The following ATXN7L1 variants were observed in gnomAD, a reference collection of about 807,000 sequenced individuals.
The protein encoded by ATXN7L1 is ataxin 7 like 1, also known as ataxin-7-like protein 1.
In ATXN7L1, 15 loss-of-function variants were observed where a neutral mutation model predicts 70.8. The observed-to-expected ratio is 0.21, with a 90% CI of 0.14 to 0.33. The LOEUF (loss-of-function observed/expected upper bound fraction) is 0.33, where lower values mean the gene tolerates loss of function less well. ATXN7L1 is among the 10% of genes least tolerant of loss of function. The pLI is 1.00. For missense variants in ATXN7L1, 975 were observed against 1,097.1 expected, an observed-to-expected ratio of 0.89 and a Z score of 1.57; for synonymous variants, 440 against 445.1, an observed-to-expected ratio of 0.99 and a Z score of 0.14.
chr7:105,740,784 T>TTTTTG lies in ATXN7L1; in HGVS notation c.355+47819_355+47820insCAAAA, dbSNP rs556048408. On this transcript the variant is annotated intron_variant, in intron 3 of 11. Transcript: ENST00000419735. ...GGCTCCATTCATTTTTTTTTTTTTTTAATGGAGTCTCACTCTGTCGCCCAG... is the reference window on the plus strand; with the variant it reads ...GGCTCCATTCATTTTTTTTTTTTTTTTTTTGAATGGAGTCTCACTCTGTCGCCCAG... 6.7e-4 allele frequency among the ~76,000 whole-genome samples: 52 copies of TTTTTG among 77,932 alleles called. 15 individuals carry two copies. The highest frequency in any genetic ancestry group is 4.0e-3 in the East Asian group (6 of 1,502). 51.1% of individuals were successfully genotyped at this position (77,932 alleles called of 152,430 possible).
chr7:105,623,971 G>T, intron 8 of ATXN7L1, 104 bp downstream of exon 8: 1 of 1,077,450 alleles, frequency 9.3e-7, no homozygotes, highest in Non-Finnish European at 1.2e-6. Flanking sequence ...AAAACACTGC[G>T]CAGGCAGCCT....
At chr7:105,655,718 C>G (rs996883956) in intron 4 of ATXN7L1, among the ~76,000 whole-genome samples, 4 of 152,208 alleles carry the variant, frequency 2.6e-5, no homozygotes, top group Non-Finnish European at 5.9e-5. Flanking sequence ...CTGGCCAGGG[C>G]CTCTCAGTGA....
chr7:105,632,921 T>TAAAAAAAAA (rs11417434), intron 7 of ATXN7L1, among the ~76,000 whole-genome samples: 5 of 60,058 alleles, frequency 8.3e-5, no homozygotes, highest in Non-Finnish European at 1.1e-4. Context: ...ATCTTGTCTT[T>TAAAAAAAAA]AAAAAAAAAA....
At chr7:105,727,765 T>TATATATATATATATATATAAATA (rs1285150352) in intron 3 of ATXN7L1, among the ~76,000 whole-genome samples, 1 of 92,656 alleles carries the variant, frequency 1.1e-5, no homozygotes, top group African/African-American at 4.3e-5. Flanking sequence ...TATATATATA[T>TATATATATATATATATATAAATA]ATATATATAT....
chr7:105,753,512 T>C (rs1311686084), intron 3 of ATXN7L1, among the ~76,000 whole-genome samples: 1 of 152,232 alleles, frequency 6.6e-6, no homozygotes, highest in Non-Finnish European at 1.5e-5. Flanking sequence ...CTTTTTCCTA[T>C]CTATGATGTG....
intron 3 of ATXN7L1, among the ~76,000 whole-genome samples, chr7:105,747,666 G>T (rs186372076): frequency 1.1e-3 from 161 of 152,286 alleles, no homozygotes; most frequent in African/African-American, 3.7e-3. Context: ...TGGGACAGTG[G>T]GGGGACTGAG....
In ATXN7L1 at chr7:105,765,315, GA is replaced by G. The variant is rs756390237; in HGVS notation, c.355+23288del. Among the ~76,000 whole-genome samples the G allele has an allele frequency of 3.2e-3, 447 of 139,232 alleles. 1 individual carries two copies. The highest frequency in any genetic ancestry group is 9.0e-3 in the African/African-American group (344 of 38,236). The allele number at this position is 139,232 out of a possible 152,430, so 91.3% of individuals were successfully genotyped here. On this transcript the variant is annotated intron_variant, in intron 3 of 11. Coordinates refer to ENST00000419735, the MANE Select transcript of ATXN7L1 (RefSeq NM_020725.2). ...CGCCACTGCACTCCAGCCTGGGTCA[GA>G]AAAAAAAAAAAAACCCTCTAAATAA...
chr7:105,761,675 C>G (rs1265157035), intron 3 of ATXN7L1, among the ~76,000 whole-genome samples: 1 of 152,124 alleles, frequency 6.6e-6, no homozygotes, highest in African/African-American at 2.4e-5. Flanking sequence ...CCATATTTCT[C>G]CTAGTAGAAA....
Position 105,605,959 on chromosome 7 carries a change from T to C in ATXN7L1, c.*1893A>G, listed in dbSNP as rs951463025. The C allele has an allele frequency of 6.6e-6, 1 of 152,158 alleles. No individual in the cohort carries two copies. Among genetic ancestry groups the C allele is most frequent in the Non-Finnish European group, 1.5e-5 (1 of 68,030 alleles). The allele number at this position is 152,158 out of a possible 1,614,324, so 9.4% of individuals were successfully genotyped here. A position where few individuals can be genotyped will look rare whatever the true frequency, so the allele number is the denominator to read the frequency against. On this transcript the variant is annotated 3_prime_UTR_variant, in exon 12 of 12. Coordinates refer to ENST00000419735, the MANE Select transcript of ATXN7L1 (RefSeq NM_020725.2). ...TTACAAAATTAACACTATAAAAATT[T>C]ACTTTAAGAATATCTTCTAAACTTT...
Position 105,874,145 on chromosome 7 carries a change from A to G in ATXN7L1, c.250+1667T>C, listed in dbSNP as rs987098142. Among the ~76,000 whole-genome samples, 18 of 150,908 alleles carry G rather than the reference A, an allele frequency of 1.2e-4. No individual in the cohort carries two copies. In the South Asian group the frequency reaches 1.3e-3, roughly 11 times the overall value. ...TATCAAAAAAAAAAAAAAAAAAAAA[A>G]TCTGTTTCTCATGAGGCAAAGAGAA... On this transcript the variant is annotated intron_variant, in intron 2 of 11. Coordinates refer to ENST00000419735, the MANE Select transcript of ATXN7L1 (RefSeq NM_020725.2).
chr7:105,787,768 TAAG>T (rs572212355), intron 3 of ATXN7L1, among the ~76,000 whole-genome samples: 238 of 152,306 alleles, frequency 1.6e-3, no homozygotes, highest in Non-Finnish European at 2.4e-3. Flanking sequence ...ACCTTAATGG[TAAG>T]GAGGGCATTC....
At chr7:105,647,237 C>T (rs553067574) in intron 4 of ATXN7L1, among the ~76,000 whole-genome samples, 4 of 152,320 alleles carry the variant, frequency 2.6e-5, no homozygotes, top group South Asian at 4.1e-4. Flanking sequence ...GTTAACATAA[C>T]GCCTCTAGTT....
intron 4 of ATXN7L1, among the ~76,000 whole-genome samples, chr7:105,648,467 A>G (rs1164851050): frequency 6.6e-6 from 1 of 152,224 alleles, no homozygotes. Context: ...CAACAGCCCC[A>G]AAGTCCTGAA....
intron 2 of ATXN7L1, among the ~76,000 whole-genome samples, chr7:105,827,190 T>C (rs775210571): frequency 6.6e-6 from 1 of 152,254 alleles, no homozygotes; most frequent in Non-Finnish European, 1.5e-5. Flanking sequence ...GTGGCATCCA[T>C]ATTTGCTGAA....
intron 2 of ATXN7L1, among the ~76,000 whole-genome samples, chr7:105,822,699 C>T (rs777842566): frequency 7.2e-5 from 11 of 152,192 alleles, no homozygotes; most frequent in African/African-American, 1.4e-4. Context: ...AATGAGGAAA[C>T]TGAGGCTTAG....
At chr7:105,830,418 T>C (rs1811440503) in intron 2 of ATXN7L1, among the ~76,000 whole-genome samples, 3 of 152,232 alleles carry the variant, frequency 2.0e-5, no homozygotes, top group Admixed American at 2.0e-4. Context: ...TAATTCCCCC[T>C]CCCACCCAGC....
chr7:105,788,446 A>G, intron 3 of ATXN7L1, 158 bp downstream of exon 3: 2 of 625,588 alleles, frequency 3.2e-6, no homozygotes, highest in South Asian at 1.9e-5. Context: ...ACAGCTCCTA[A>G]AACAGCCTGC....
chr7:105,779,816 A>G (rs1803271883), intron 3 of ATXN7L1, among the ~76,000 whole-genome samples: 1 of 152,230 alleles, frequency 6.6e-6, no homozygotes, highest in Non-Finnish European at 1.5e-5. Flanking sequence ...AGTCTTATTA[A>G]TTAATGTTAT....
chr7:105,723,422 T>C (rs1033753798), intron 3 of ATXN7L1, among the ~76,000 whole-genome samples: 92 of 152,318 alleles, frequency 6.0e-4, no homozygotes, highest in African/African-American at 2.2e-3. Flanking sequence ...ATTCAACAGA[T>C]AGCAGCTGTT....
Sources: gnomAD v4.1 joint callset for allele counts (sites outside exome capture counted in the v4.1 genomes callset) on GRCh38, gnomAD v4.1.1 for gene constraint, MANE v1.5 for transcripts, NCBI Gene and HGNC (gene_info 2026-07-23, HGNC 2026-07-21) for gene names.